Variants in COL19A1 observed in about 807,000 individuals in gnomAD.
COL19A1 encodes collagen alpha-1(XIX) chain.
A neutral mutation model predicts 190.2 loss-of-function variants in COL19A1; 159 were observed. The observed-to-expected ratio is 0.84, with a 90% CI of 0.73 to 0.95. COL19A1 has a LOEUF of 0.95. Ranked by LOEUF, COL19A1 falls within the 40% of genes least tolerant of loss-of-function variation. The pLI, the probability that COL19A1 is intolerant of heterozygous loss-of-function variation, is 0.00. For missense variants in COL19A1, 1,418 were observed against 1,431.9 expected, an observed-to-expected ratio of 0.99 and a Z score of 0.16; for synonymous variants, 509 against 458.9, an observed-to-expected ratio of 1.11 and a Z score of -1.39.
intron 5 of COL19A1, among the ~76,000 whole-genome samples, chr6:69,928,730 C>T (rs1379387144): frequency 5.9e-5 from 9 of 152,128 alleles, no homozygotes; most frequent in East Asian, 5.8e-4. Context: ...GAAGAGATGG[C>T]GTTTGGGCTG....
intron 17 of COL19A1, among the ~76,000 whole-genome samples, chr6:70,124,633 T>G (rs1785085854): frequency 6.6e-6 from 1 of 151,854 alleles, no homozygotes; most frequent in Non-Finnish European, 1.5e-5. Flanking sequence ...TACTTTGAAC[T>G]TAATTATTAA....
chr6:69,904,783 G>T (rs1457504225), intron 4 of COL19A1, among the ~76,000 whole-genome samples: 1 of 152,206 alleles, frequency 6.6e-6, no homozygotes, highest in Non-Finnish European at 1.5e-5. Flanking sequence ...GGGCCTCCAA[G>T]TGCCCTGCTT....
At chr6:70,206,474 CA>C (rs34108701) in intron 49 of COL19A1, among the ~76,000 whole-genome samples, 1 of 151,414 alleles carries the variant, frequency 6.6e-6, no homozygotes, top group Non-Finnish European at 1.5e-5. Context: ...ACTAAAAATA[CA>C]AAAAAAATAG....
At chr6:70,042,337 C>A (rs997688467) in intron 14 of COL19A1, among the ~76,000 whole-genome samples, 1 of 152,058 alleles carries the variant, frequency 6.6e-6, no homozygotes, top group Non-Finnish European at 1.5e-5. Flanking sequence ...AGCAAGTCAC[C>A]AATTTTTTTT....
chr6:69,910,018 T>C (rs141702386), intron 4 of COL19A1, among the ~76,000 whole-genome samples: 58 of 152,266 alleles, frequency 3.8e-4, no homozygotes, highest in African/African-American at 1.3e-3. Flanking sequence ...CAGTGGTGTT[T>C]AGTGCTAGTT....
intron 15 of COL19A1, among the ~76,000 whole-genome samples, chr6:70,073,203 G>T (rs1210316538): frequency 2.0e-5 from 3 of 152,162 alleles, no homozygotes; most frequent in African/African-American, 7.2e-5. Context: ...GGTCAGGCTG[G>T]TCTCAAACTC....
chr6:69,873,997 T>C (rs1767986097), intron 1 of COL19A1, among the ~76,000 whole-genome samples: 1 of 152,220 alleles, frequency 6.6e-6, no homozygotes, highest in Admixed American at 6.5e-5. Context: ...CATTAAAATC[T>C]GACAACATTG....
chr6:70,146,860 C>T lies in COL19A1; in HGVS notation c.1864C>T (p.Pro622Ser), dbSNP rs1786686981. 3 of 1,585,288 alleles carry T rather than the reference C, an allele frequency of 1.9e-6. No homozygotes were observed. Among genetic ancestry groups the T allele is most frequent in the Admixed American group, 3.7e-5 (2 of 54,260 alleles). ...GVHGSPGDIG[P>S]QGIGIPGRTG... is the part of the protein sequence containing the mutation. Reference sequence around the variant, plus strand: ...TCACGGTTCCCCAGGGGACATAGGCCCACAAGGGATAGGAATTCCTGGCAG... The same window carrying T: ...TCACGGTTCCCCAGGGGACATAGGCTCACAAGGGATAGGAATTCCTGGCAG... The change falls in exon 27 of 51, where the codon CCA (proline) becomes TCA (serine). Residue 622 changes from proline to serine, a missense_variant. Pro to Ser is a moderately conservative substitution (Grantham distance 74, BLOSUM62 -1). Transcript: ENST00000620364.
In COL19A1 at chr6:69,929,459, T is replaced by C. The variant is rs1398647574; in HGVS notation, c.425T>C (p.Val142Ala). Residue 142 changes from valine to alanine, a missense_variant, in exon 6 of 51, where the codon GTG (valine) becomes GCG (alanine). Coordinates refer to ENST00000620364, the MANE Select transcript of COL19A1 (RefSeq NM_001858.6). ...GTAGTTGATGGTGGAAAGAAGGTGG[T>C]GGAATTTATGTTTCAAGCCACAGAG... ...SIVVDGGKKV[V>A]EFMFQATEGD... 1 of 1,613,818 alleles carries C rather than the reference T, an allele frequency of 6.2e-7. No individual in the cohort carries two copies. The highest frequency in any genetic ancestry group is 1.3e-5 in the African/African-American group (1 of 74,906).
intron 11 of COL19A1, among the ~76,000 whole-genome samples, chr6:70,002,297 G>A (rs1449129329): frequency 1.3e-5 from 2 of 152,140 alleles, no homozygotes; most frequent in East Asian, 1.9e-4. Context: ...TGACATTGAT[G>A]TTCATCAGGG....
intron 15 of COL19A1, among the ~76,000 whole-genome samples, chr6:70,095,537 A>C (rs1783198968): frequency 6.6e-6 from 1 of 152,170 alleles, no homozygotes. Context: ...ATTGTGGTAA[A>C]AAATATATAA....
chr6:69,912,660 G>A (rs929531848), intron 4 of COL19A1, among the ~76,000 whole-genome samples: 1 of 152,080 alleles, frequency 6.6e-6, no homozygotes, highest in Admixed American at 6.5e-5. Context: ...GGAAGGTGGT[G>A]GCAGAGATCT....
intron 30 of COL19A1, among the ~76,000 whole-genome samples, chr6:70,150,818 T>A (rs1787010299): frequency 1.3e-5 from 2 of 152,156 alleles, no homozygotes; most frequent in South Asian, 2.1e-4. Context: ...TTTCTGGGAA[T>A]CTTGCAAAAA....
At chr6:69,934,567 T>G (rs564522252) in intron 7 of COL19A1, among the ~76,000 whole-genome samples, 1 of 152,018 alleles carries the variant, frequency 6.6e-6, no homozygotes, top group African/African-American at 2.4e-5. Flanking sequence ...AGGTGATGAA[T>G]TGGGTGGAAT....
chr6:70,185,165 T>G (rs996649636), intron 46 of COL19A1, among the ~76,000 whole-genome samples: 26 of 152,314 alleles, frequency 1.7e-4, no homozygotes, highest in African/African-American at 6.0e-4. Context: ...TGGGAAGCTT[T>G]TATTATCCTC....
intron 5 of COL19A1, 135 bp from the exon 6 acceptor site, chr6:69,929,290 G>A: frequency 2.4e-6 from 2 of 833,496 alleles, no homozygotes; most frequent in Non-Finnish European, 3.7e-6. Context: ...AAACCTGGTG[G>A]ACACAAGTGT....
In COL19A1 at chr6:70,199,733, C is replaced by T; in HGVS notation, c.3220C>T (p.Gln1074Ter). 1 of 1,604,650 alleles carries T rather than the reference C, an allele frequency of 6.2e-7. No individual in the cohort carries two copies. The highest frequency in any genetic ancestry group is 8.5e-7 in the Non-Finnish European group (1 of 1,175,690). Residue 1074 changes from glutamine to a stop codon, truncating the protein, a stop_gained, in exon 49 of 51, where the codon CAA (glutamine) becomes TAA (stop). Transcript: ENST00000620364. LOFTEE classifies it high-confidence loss of function. Reference protein sequence around the residue: ...LPGPPGDPGPQGYRGQKGERG... With the variant: ...LPGPPGDPGP The stretch of plus-strand genomic sequence containing the variant: ...TGGGCCACCAGGAGACCCTGGACCC[C>T]AAGGTAAGTCTTCAAGTGTAATATT...
At position 70,190,295 on chromosome 6, in the gene COL19A1, C is replaced by T; in HGVS notation, c.3028-20C>T. The stretch of plus-strand genomic sequence containing the variant: ...TTGTGCTATGCTCTATTTTAACAAC[C>T]TTTTTTTTTCCTTCTTCAGGCTGAT... On this transcript the variant is annotated intron_variant, in intron 47 of 50. Transcript: ENST00000620364. 1 of 1,549,928 alleles carries T rather than the reference C, an allele frequency of 6.5e-7. No homozygotes were observed. The highest frequency in any genetic ancestry group is 8.9e-7 in the Non-Finnish European group (1 of 1,128,966).
At chr6:70,102,774 A>G (rs1324364118) in intron 16 of COL19A1, among the ~76,000 whole-genome samples, 1 of 152,144 alleles carries the variant, frequency 6.6e-6, no homozygotes, top group Admixed American at 6.5e-5. Context: ...TCTGCAGCCT[A>G]TGAGAGTCTG....
Sources: gnomAD v4.1 joint callset for allele counts (sites outside exome capture counted in the v4.1 genomes callset) on GRCh38, gnomAD v4.1.1 for gene constraint, MANE v1.5 for transcripts, NCBI Gene and HGNC (gene_info 2026-07-23, HGNC 2026-07-21) for gene names.